The following JAKMIP1 variants were observed in gnomAD, a reference collection of about 807,000 sequenced individuals.
The protein encoded by JAKMIP1 is janus kinase and microtubule-interacting protein 1.
A neutral mutation model predicts 113.0 loss-of-function variants in JAKMIP1; 33 were observed. The ratio of observed to expected loss-of-function variants is 0.29; its 90% CI spans 0.22 to 0.39. The LOEUF (loss-of-function observed/expected upper bound fraction) is 0.39, where lower values mean the gene tolerates loss of function less well. Among genes scored for constraint, JAKMIP1 ranks in the 10% least tolerant of loss-of-function variants. The pLI is 1.00. For missense variants in JAKMIP1, 813 were observed against 1,080.5 expected (o/e 0.75, Z 3.47); for synonymous variants, 480 against 459.9 (o/e 1.04, Z -0.56).
chr4:6,182,313 G>GT (rs1320035922), intron 1 of JAKMIP1, among the ~76,000 whole-genome samples: 1 of 151,566 alleles, frequency 6.6e-6, no homozygotes, highest in African/African-American at 2.4e-5. Context: ...GGAGGCTGAG[G>GT]TGGGAGGATC....
At position 6,112,949 on chromosome 4, in the gene JAKMIP1, C is replaced by A. The variant is rs979869723; in HGVS notation, c.-99G>T. 8.1e-6 allele frequency: 12 copies of A among 1,478,400 alleles called. No homozygotes were observed. In the African/African-American group the frequency reaches 1.1e-4, roughly 14 times the overall value. 91.6% of individuals were successfully genotyped at this position (1,478,400 alleles called of 1,614,324 possible). A position where few individuals can be genotyped will look rare whatever the true frequency, so the allele number is the denominator to read the frequency against. On this transcript the variant is annotated 5_prime_UTR_variant, in exon 2 of 21. Transcript: ENST00000409021. The stretch of plus-strand genomic sequence containing the variant: ...TACCAGCTCCACCGTGCTAACCAGT[C>A]GCGCAGGACTCAGCTCGCCCTCCGA...
At chr4:6,171,535 T>C (rs1724714328) in intron 1 of JAKMIP1, among the ~76,000 whole-genome samples, 1 of 152,014 alleles carries the variant, frequency 6.6e-6, no homozygotes, top group South Asian at 2.1e-4. Flanking sequence ...AGTGGAAAGG[T>C]AGATGAGAAA....
At chr4:6,073,102 T>C (rs1335790187) in intron 8 of JAKMIP1, among the ~76,000 whole-genome samples, 6 of 148,838 alleles carry the variant, frequency 4.0e-5, no homozygotes, top group Non-Finnish European at 8.9e-5. Context: ...AAAAAAGTGC[T>C]TGAGCTTCCT....
intron 1 of JAKMIP1, among the ~76,000 whole-genome samples, chr4:6,132,252 A>ATGTATAT (rs1158724533): frequency 6.6e-6 from 1 of 152,212 alleles, no homozygotes. Context: ...TTAGTTGTGA[A>ATGTATAT]TGTATATTGC....
Position 6,053,957 on chromosome 4 carries a change from T to C in JAKMIP1, c.1806+93A>G, listed in dbSNP as rs745600674. On this transcript the variant is annotated intron_variant, in intron 13 of 20. Coordinates refer to ENST00000409021, the MANE Select transcript of JAKMIP1 (RefSeq NM_001099433.2). ...ATAACATGTCCCCTTTACACATGCTTGAAAACATCTGAGAGCTTTACATGA... is the reference window on the plus strand; with the variant it reads ...ATAACATGTCCCCTTTACACATGCTCGAAAACATCTGAGAGCTTTACATGA... The C allele has an allele frequency of 1.9e-6, 3 of 1,606,576 alleles. No individual in the cohort carries two copies. The South Asian group carries it at 3.3e-5, about 18-fold the overall frequency.
intron 1 of JAKMIP1, among the ~76,000 whole-genome samples, chr4:6,146,569 C>T (rs1720876506): frequency 1.3e-5 from 2 of 152,142 alleles, no homozygotes; most frequent in African/African-American, 4.8e-5. Flanking sequence ...GTGGGGACTA[C>T]AGGCATGAGC....
chr4:6,098,554 GAA>G (rs199637245), intron 3 of JAKMIP1, among the ~76,000 whole-genome samples: 66 of 121,056 alleles, frequency 5.5e-4, no homozygotes, highest in South Asian at 7.3e-4. Flanking sequence ...GAAAAAGAAA[GAA>G]AGAAAGAAAG....
In JAKMIP1 at chr4:6,065,154, T is replaced by C; in HGVS notation, c.1303-146A>G. ...CACAAGATGCGGTTGGTGGGCTTCGTAACTGACTGGGTGGGATAAAAGGTG... is the reference window on the plus strand; with the variant it reads ...CACAAGATGCGGTTGGTGGGCTTCGCAACTGACTGGGTGGGATAAAAGGTG... On this transcript the variant is annotated intron_variant, in intron 8 of 20. Coordinates refer to ENST00000409021, the MANE Select transcript of JAKMIP1 (RefSeq NM_001099433.2). This position sits in a 1 kb window ranked among gnomAD's most constrained non-coding sequence, Gnocchi z 5.1. The C allele has an allele frequency of 1.0e-6, 1 of 1,000,670 alleles. No homozygotes were observed. The highest frequency in any genetic ancestry group is 1.5e-6 in the Non-Finnish European group (1 of 652,066). 62.0% of individuals were successfully genotyped at this position (1,000,670 alleles called of 1,614,324 possible).
At position 6,060,511 on chromosome 4, in the gene JAKMIP1, G is replaced by T. The variant is rs1347224482; in HGVS notation, c.1561-4C>A. The T allele has an allele frequency of 6.2e-7, 1 of 1,612,756 alleles. No homozygotes were observed. Among genetic ancestry groups the T allele is most frequent in the Non-Finnish European group, 8.5e-7 (1 of 1,178,830 alleles). ...CAGCTTGTAGCTGCTCCCGAGTCTG[G>T]AAGGGAAAAGACCAGGCAGTGAGCA... is the stretch of plus-strand genomic sequence containing the variant. On this transcript the variant is annotated splice_region_variant and splice_polypyrimidine_tract_variant and intron_variant, in intron 10 of 20. Transcript: ENST00000409021.
chr4:6,195,648 C>T (rs1390832272), intron 1 of JAKMIP1, among the ~76,000 whole-genome samples: 3 of 152,300 alleles, frequency 2.0e-5, no homozygotes, highest in South Asian at 2.1e-4. Flanking sequence ...GGAACATACT[C>T]GCTTTATAAT....
At position 6,048,781 on chromosome 4, in the gene JAKMIP1, C is replaced by T. The variant is rs148491849; in HGVS notation, c.2028+76G>A. 69 of 1,247,038 alleles carry T rather than the reference C, an allele frequency of 5.5e-5. 1 individual carries two copies. The highest frequency in any genetic ancestry group is 3.0e-4 in the East Asian group (13 of 42,776). The allele number at this position is 1,247,038 out of a possible 1,614,324, so 77.2% of individuals were successfully genotyped here. A position where few individuals can be genotyped will look rare whatever the true frequency, so the allele number is the denominator to read the frequency against. On this transcript the variant is annotated intron_variant, in intron 16 of 20. Coordinates refer to ENST00000409021, the MANE Select transcript of JAKMIP1 (RefSeq NM_001099433.2). Reference sequence around the variant, plus strand: ...ACGCATGCTCCCACGCAAAGCAAGACGCCAATGTACAGTTTCTTGTATGGT... The same window carrying T: ...ACGCATGCTCCCACGCAAAGCAAGATGCCAATGTACAGTTTCTTGTATGGT...
At chr4:6,037,873 A>T (rs1429853057) in intron 18 of JAKMIP1, among the ~76,000 whole-genome samples, 1 of 142,850 alleles carries the variant, frequency 7.0e-6, no homozygotes, top group African/African-American at 2.6e-5. Context: ...TCACTGAGGC[A>T]GAGGTTAACC....
intron 2 of JAKMIP1, among the ~76,000 whole-genome samples, chr4:6,107,331 A>T (rs1560197159): frequency 6.6e-6 from 1 of 152,178 alleles, no homozygotes; most frequent in Non-Finnish European, 1.5e-5. Flanking sequence ...ATGAGATCCT[A>T]ATCTGCTTTG....
rs112544584 is a variant in JAKMIP1, at chr4:6,116,172, G to A, written c.-147-3175C>T. On this transcript the variant is annotated intron_variant, in intron 1 of 20. Coordinates refer to ENST00000409021, the MANE Select transcript of JAKMIP1 (RefSeq NM_001099433.2). The surrounding 1 kb of genome is among the most constrained non-coding windows in gnomAD (Gnocchi z 5.1). Reference sequence around the variant, plus strand: ...GAGCTCAGGGTGGGCCCCAGCAGCCGGCCTCTGTGCCATGGACACACTGTT... The same window carrying A: ...GAGCTCAGGGTGGGCCCCAGCAGCCAGCCTCTGTGCCATGGACACACTGTT... Among the ~76,000 whole-genome samples, 1,274 of 152,124 alleles carry A rather than the reference G, an allele frequency of 8.4e-3. 18 individuals carry two copies. The highest frequency in any genetic ancestry group is 0.029 in the African/African-American group (1,199 of 41,480).
At position 6,042,692 on chromosome 4, in the gene JAKMIP1, G is replaced by T. The variant is rs543771789; in HGVS notation, c.2029-465C>A. Among the ~76,000 whole-genome samples the T allele has an allele frequency of 6.6e-6, 1 of 152,028 alleles. No homozygotes were observed. Among genetic ancestry groups the T allele is most frequent in the African/African-American group, 2.4e-5 (1 of 41,392 alleles). On this transcript the variant is annotated intron_variant, in intron 16 of 20. Transcript: ENST00000409021. This position sits in a 1 kb window ranked among gnomAD's most constrained non-coding sequence, Gnocchi z 5.2. ...TTAAGTAACTTGTCCAAGGTCACAC[G>T]GGTGCAGAATGGAGATTTGGAACCC...
At position 6,080,279 on chromosome 4, in the gene JAKMIP1, G is replaced by A. The variant is rs746008481; in HGVS notation, c.1135C>T (p.Arg379Trp). ...CTGAGGTCATTCAAGGAGGTATGCC[G>A]CTTCAGAGACGCCTGCGCTGACAGC... ...EKLSAQASLK[R>W]HTSLNDLSLT... The change falls in exon 7 of 21, where the codon CGG (arginine) becomes TGG (tryptophan). Residue 379 changes from arginine to tryptophan, a missense_variant. Around this residue, in one of 2 missense-constraint regions of JAKMIP1, gnomAD observed 540 missense variants for 653.9 expected, o/e 0.83. Transcript: ENST00000409021. The surrounding 1 kb of genome is among the most constrained non-coding windows in gnomAD (Gnocchi z 6.0). 1.8e-5 allele frequency: 29 copies of A among 1,614,032 alleles called. No homozygotes were observed. The highest frequency in any genetic ancestry group is 6.7e-5 in the East Asian group (3 of 44,898).
In JAKMIP1 at chr4:6,199,605, T is replaced by A. The variant is rs1030650046; in HGVS notation, c.-148+648A>T. Reference sequence around the variant, plus strand: ...GGGTGGGTGCCAGCCTTTCTTCCCATCTCTCGAGCCTCCTCCCCGGCGCCC... The same window carrying A: ...GGGTGGGTGCCAGCCTTTCTTCCCAACTCTCGAGCCTCCTCCCCGGCGCCC... On this transcript the variant is annotated intron_variant, in intron 1 of 20. Transcript: ENST00000409021. The surrounding 1 kb of genome is among the most constrained non-coding windows in gnomAD (Gnocchi z 5.6). Among the ~76,000 whole-genome samples, 3 of 151,722 alleles carry A rather than the reference T, an allele frequency of 2.0e-5. No homozygotes were observed. The highest frequency in any genetic ancestry group is 4.4e-5 in the Non-Finnish European group (3 of 67,848).
At position 6,093,587 on chromosome 4, in the gene JAKMIP1, A is replaced by C. The variant is rs1722384185; in HGVS notation, c.625-7958T>G. On this transcript the variant is annotated intron_variant, in intron 3 of 20. Coordinates refer to ENST00000409021, the MANE Select transcript of JAKMIP1 (RefSeq NM_001099433.2). This position sits in a 1 kb window ranked among gnomAD's most constrained non-coding sequence, Gnocchi z 4.6. ...TCCCAAAAAGACAGCTTCAGAAACA[A>C]TCACTCAAATTCTTATGCAAAACAG... Among the ~76,000 whole-genome samples, 1 of 152,142 alleles carries C rather than the reference A, an allele frequency of 6.6e-6. No homozygotes were observed. The highest frequency in any genetic ancestry group is 2.4e-5 in the African/African-American group (1 of 41,436).
rs1253943196 is a variant in JAKMIP1, at chr4:6,138,613, G to A, written c.-147-25616C>T. Among the ~76,000 whole-genome samples, 2 of 152,106 alleles carry A rather than the reference G, an allele frequency of 1.3e-5. No individual in the cohort carries two copies. Among genetic ancestry groups the A allele is most frequent in the African/African-American group, 4.8e-5 (2 of 41,384 alleles). On this transcript the variant is annotated intron_variant, in intron 1 of 20. Coordinates refer to ENST00000409021, the MANE Select transcript of JAKMIP1 (RefSeq NM_001099433.2). This position sits in a 1 kb window ranked among gnomAD's most constrained non-coding sequence, Gnocchi z 6.0. Reference sequence around the variant, plus strand: ...GAAGCAGAAAACCAAATATTTTGACGATGTTAACTACAGACAGACCCTCCA... The same window carrying A: ...GAAGCAGAAAACCAAATATTTTGACAATGTTAACTACAGACAGACCCTCCA...
Sources: allele counts gnomAD v4.1 joint callset (sites outside exome capture counted in the v4.1 genomes callset), GRCh38; gene constraint gnomAD v4.1.1; regional missense constraint gnomAD v4.1.1; non-coding constraint Gnocchi (gnomAD v3.1); transcripts MANE v1.5; gene names NCBI Gene and HGNC (gene_info 2026-07-23, HGNC 2026-07-21).